Variants in PPP1R12B observed in about 807,000 individuals in gnomAD.
The protein encoded by PPP1R12B is protein phosphatase 1 regulatory subunit 12B.
Under a neutral mutation model 126.1 loss-of-function variants are expected in PPP1R12B, and 76 were observed. The ratio of observed to expected loss-of-function variants is 0.60; its 90% confidence interval spans 0.50 to 0.73. The LOEUF (loss-of-function observed/expected upper bound fraction) is 0.73, where lower values mean the gene tolerates loss of function less well. Ranked by LOEUF, PPP1R12B falls within the 30% of genes least tolerant of loss-of-function variation. The pLI is 0.00. For synonymous variants in PPP1R12B, 356 were observed against 434.7 expected, an observed-to-expected ratio of 0.82 and a Z score of 2.25; for missense variants, 1,052 against 1,205.1, an observed-to-expected ratio of 0.87 and a Z score of 1.88.
intron 18 of PPP1R12B, among the ~76,000 whole-genome samples, chr1:202,498,787 G>A (rs1343055585): frequency 3.3e-5 from 5 of 152,130 alleles, no homozygotes; most frequent in African/African-American, 1.2e-4. Context: ...CAGTTAAAGC[G>A]GAGGGCATTC....
chr1:202,476,758 G>A (rs1384071823), intron 13 of PPP1R12B, among the ~76,000 whole-genome samples: 4 of 151,668 alleles, frequency 2.6e-5, no homozygotes, highest in African/African-American at 9.7e-5. Flanking sequence ...ACTCAACTTA[G>A]TTCCTTTCCT....
Position 202,368,406 on chromosome 1 carries a change from A to T in PPP1R12B, c.291+19264A>T, listed in dbSNP as rs574588707. ...TGAGGCCTCCCCAGGAGCCAAGCAGATGTCAGTGCCATGCTTGTGCAGCCT... is the reference window on the plus strand; with the variant it reads ...TGAGGCCTCCCCAGGAGCCAAGCAGTTGTCAGTGCCATGCTTGTGCAGCCT... On this transcript the variant is annotated intron_variant, in intron 1 of 23. Coordinates refer to ENST00000608999, the MANE Select transcript of PPP1R12B (RefSeq NM_002481.4). 2.0e-5 allele frequency among the ~76,000 whole-genome samples: 3 copies of T among 152,328 alleles called. No individual in the cohort carries two copies. In the South Asian group the frequency reaches 6.2e-4, roughly 32 times the overall value.
intron 19 of PPP1R12B, among the ~76,000 whole-genome samples, chr1:202,560,712 C>T (rs1456708559): frequency 6.6e-6 from 1 of 152,156 alleles, no homozygotes; most frequent in Non-Finnish European, 1.5e-5. Flanking sequence ...GAATGCAGCC[C>T]AGTAGGTCTC....
At chr1:202,484,395 C>T (rs547374532) in intron 13 of PPP1R12B, among the ~76,000 whole-genome samples, 1 of 152,298 alleles carries the variant, frequency 6.6e-6, no homozygotes, top group South Asian at 2.1e-4. Context: ...CTAGACTTCT[C>T]TCTTTTGTTT....
chr1:202,377,837 T>TG (rs1196447809), intron 1 of PPP1R12B, among the ~76,000 whole-genome samples: 6 of 44,556 alleles, frequency 1.3e-4, no homozygotes, highest in Non-Finnish European at 3.1e-4. Context: ...CAGGTGTTTT[T>TG]TTTTTTTTTT....
intron 13 of PPP1R12B, among the ~76,000 whole-genome samples, chr1:202,460,731 A>G (rs544842081): frequency 2.0e-5 from 3 of 152,306 alleles, no homozygotes; most frequent in Admixed American, 6.5e-5. Flanking sequence ...ATTTTCTACT[A>G]TATTACAATT....
intron 23 of PPP1R12B, among the ~76,000 whole-genome samples, chr1:202,573,199 A>G (rs1250570251): frequency 6.6e-6 from 1 of 152,166 alleles, no homozygotes; most frequent in Non-Finnish European, 1.5e-5. Flanking sequence ...CATATGCTGT[A>G]CCATGATCTC....
At position 202,588,837 on chromosome 1, in the gene PPP1R12B, A is replaced by AGATAGATAGATAGAT. The variant is rs1553332083; in HGVS notation, c.*8278_*8292dup. ...CAAAAGAACCGTAAGATAGATAGAT[A>AGATAGATAGATAGAT]GATAGATAGATAGATAGATAGATAG... On this transcript the variant is annotated 3_prime_UTR_variant, in exon 24 of 24. Coordinates refer to ENST00000608999, the MANE Select transcript of PPP1R12B (RefSeq NM_002481.4). The AGATAGATAGATAGAT allele has an allele frequency of 4.3e-4, 59 of 136,452 alleles. No individual in the cohort carries two copies. Among genetic ancestry groups the AGATAGATAGATAGAT allele is most frequent in the Non-Finnish European group, 6.3e-4 (41 of 65,600 alleles). 8.5% of individuals were successfully genotyped at this position (136,452 alleles called of 1,614,324 possible).
At chr1:202,396,813 A>G (rs549276675) in intron 1 of PPP1R12B, among the ~76,000 whole-genome samples, 5 of 152,206 alleles carry the variant, frequency 3.3e-5, no homozygotes, top group African/African-American at 9.6e-5. Flanking sequence ...GGGTTTCACC[A>G]TGTTGCCCAG....
intron 13 of PPP1R12B, among the ~76,000 whole-genome samples, chr1:202,459,345 G>T (rs915229178): frequency 1.1e-4 from 16 of 152,226 alleles, no homozygotes; most frequent in African/African-American, 3.1e-4. Context: ...ATTAATTATA[G>T]GGACAACAGT....
chr1:202,578,470 T>C (rs1045135357), intron 23 of PPP1R12B, among the ~76,000 whole-genome samples: 4 of 152,174 alleles, frequency 2.6e-5, no homozygotes, highest in Non-Finnish European at 5.9e-5. Context: ...TTTCCAAGCA[T>C]TCAGTCTGGT....
intron 23 of PPP1R12B, chr1:202,575,166 C>T (rs763148569): frequency 6.2e-7 from 1 of 1,602,316 alleles, no homozygotes; most frequent in African/African-American, 1.3e-5. Context: ...ACTCACTTCC[C>T]TCCTCCACTA....
At chr1:202,515,526 G>C (rs1184551305) in intron 18 of PPP1R12B, among the ~76,000 whole-genome samples, 1 of 152,134 alleles carries the variant, frequency 6.6e-6, no homozygotes, top group East Asian at 1.9e-4. Flanking sequence ...GAGGAAGAAA[G>C]ACCTTCCCTA....
At chr1:202,563,446 A>G (rs1687729110) in intron 20 of PPP1R12B, among the ~76,000 whole-genome samples, 1 of 152,092 alleles carries the variant, frequency 6.6e-6, no homozygotes, top group Non-Finnish European at 1.5e-5. Flanking sequence ...GTAAGTGTAT[A>G]GTTAGAATCA....
chr1:202,572,391 C>T (rs1688686647), intron 23 of PPP1R12B, among the ~76,000 whole-genome samples: 1 of 152,132 alleles, frequency 6.6e-6, no homozygotes, highest in Admixed American at 6.5e-5. Flanking sequence ...TCTAACTCTA[C>T]CAAATAAAGT....
intron 5 of PPP1R12B, 126 bp from the exon 6 acceptor site, chr1:202,428,729 A>G: frequency 1.4e-6 from 1 of 729,920 alleles, no homozygotes; most frequent in Non-Finnish European, 2.3e-6. Context: ...ATGGTAGATT[A>G]GTTTGAAAAG....
intron 1 of PPP1R12B, among the ~76,000 whole-genome samples, chr1:202,412,051 A>C: frequency 6.6e-6 from 1 of 152,214 alleles, no homozygotes; most frequent in East Asian, 1.9e-4. Flanking sequence ...ATTTTCTGTA[A>C]GATGGTTCTT....
rs1428248123 is a variant in PPP1R12B at position 202,585,967 on chromosome 1, C to CT, written c.*5408dup. On this transcript the variant is annotated 3_prime_UTR_variant, in exon 24 of 24. Coordinates refer to ENST00000608999, the MANE Select transcript of PPP1R12B (RefSeq NM_002481.4). ...TGGCTCTTCACACCCAAATAGCAGA[C>CT]TAATCGTTTTTCTGCTTAGCACCGT... 3 of 152,202 alleles carry CT rather than the reference C, an allele frequency of 2.0e-5. No individual in the cohort carries two copies. The highest frequency in any genetic ancestry group is 2.0e-4 in the Admixed American group (3 of 15,276). 9.4% of individuals were successfully genotyped at this position (152,202 alleles called of 1,614,324 possible).
intron 13 of PPP1R12B, among the ~76,000 whole-genome samples, chr1:202,472,685 A>G (rs143348200): frequency 3.1e-3 from 469 of 152,370 alleles, no homozygotes; most frequent in Middle Eastern, 6.8e-3. Context: ...CAGAAACACC[A>G]GACTCACACT....
Sources: allele counts gnomAD v4.1 joint callset (sites outside exome capture counted in the v4.1 genomes callset), GRCh38; gene constraint gnomAD v4.1.1; transcripts MANE v1.5; gene names NCBI Gene and HGNC (gene_info 2026-07-23, HGNC 2026-07-21).